PCDHB12: variants seen among roughly 807,000 people sequenced by gnomAD.
PCDHB12 encodes protocadherin beta-12.
For missense variants in PCDHB12, 1,192 were observed against 998.2 expected (o/e 1.19, Z -2.62); for synonymous variants, 560 against 445.2 (o/e 1.26, Z -3.24).
rs191786005 is a variant in PCDHB12 at position 141,211,825 on chromosome 5, T to C, written c.*530T>C. The C allele has an allele frequency of 1.1e-5, 2 of 175,652 alleles. No individual in the cohort carries two copies. Among genetic ancestry groups the C allele is most frequent in the Admixed American group, 1.2e-4 (2 of 16,368 alleles). 10.9% of individuals were successfully genotyped at this position (175,652 alleles called of 1,614,324 possible). A position where few individuals can be genotyped will look rare whatever the true frequency, so the allele number is the denominator to read the frequency against. ...AGTAAGTTCACTAAGGTCCACTAAC[T>C]AATAAGTGACAAAACTGAGCATCCA... On this transcript the variant is annotated 3_prime_UTR_variant, in exon 1 of 1. Transcript: ENST00000239450.
rs782573902 is a variant in PCDHB12, at chr5:141,211,159, A to G, written c.2252A>G (p.Tyr751Cys). The change falls in exon 1 of 1, where the codon TAT becomes TGT. Residue 751 changes from tyrosine (Y) to cysteine (C), a missense_variant. Transcript: ENST00000239450. ...GGGACCCTGTCCCAGAGCTACCACTATGAGGTGTGTGTGACTGGAGGCTCC... is the reference window on the plus strand; with the variant it reads ...GGGACCCTGTCCCAGAGCTACCACTGTGAGGTGTGTGTGACTGGAGGCTCC... ...GTGTLSQSYH[Y>C]EVCVTGGSRS... 2 of 1,614,134 alleles carry G rather than the reference A, an allele frequency of 1.2e-6. No homozygotes were observed. Among genetic ancestry groups the G allele is most frequent in the Non-Finnish European group, 1.7e-6 (2 of 1,179,998 alleles).
Position 141,210,598 on chromosome 5 carries a change from C to G in PCDHB12, c.1691C>G (p.Pro564Arg), listed in dbSNP as rs782595260. ...GACAACTCGCCCTTCGTGCTGTACC[C>G]GCTGCAGAACGGCTCCGCGCCCTGC... ...ANDNSPFVLY[P>R]LQNGSAPCTE... The change falls in exon 1 of 1, where the codon CCG (proline) becomes CGG (arginine). Residue 564 changes from proline (P) to arginine (R), a missense_variant. Coordinates refer to ENST00000239450, the MANE Select transcript of PCDHB12 (RefSeq NM_018932.4). 1.2e-6 allele frequency: 2 copies of G among 1,611,450 alleles called. No individual in the cohort carries two copies. The highest frequency in any genetic ancestry group is 1.7e-5 in the Admixed American group (1 of 60,000).
In PCDHB12 at chr5:141,210,497, C is replaced by T. The variant is rs1554286953; in HGVS notation, c.1590C>T (p.Arg530=). ...AGGCCCTGCAGGGGTTCCAGTTCCGCGTGGGCGCCACAGACCACGGCTCCC... is the reference window on the plus strand; with the variant it reads ...AGGCCCTGCAGGGGTTCCAGTTCCGTGTGGGCGCCACAGACCACGGCTCCC... The part of the protein sequence containing the change: ...DYEALQGFQF[R]VGATDHGSPA... Residue 530 remains arginine, a synonymous_variant, in exon 1 of 1, where the codon CGC becomes CGT. Coordinates refer to ENST00000239450, the MANE Select transcript of PCDHB12 (RefSeq NM_018932.4). The T allele has an allele frequency of 6.2e-7, 1 of 1,612,522 alleles. No individual in the cohort carries two copies. Among genetic ancestry groups the T allele is most frequent in the South Asian group, 1.1e-5 (1 of 91,012 alleles).
At position 141,210,321 on chromosome 5, in the gene PCDHB12, A is replaced by C; in HGVS notation, c.1414A>C (p.Ser472Arg). 1 of 1,613,328 alleles carries C rather than the reference A, an allele frequency of 6.2e-7. No individual in the cohort carries two copies. The highest frequency in any genetic ancestry group is 8.5e-7 in the Non-Finnish European group (1 of 1,180,038). The stretch of plus-strand genomic sequence containing the variant: ...CAACAGCCCCGCCCTGCACATCGGC[A>C]GCATCAGCGCCACAGACAGAGACTC... ...ENNSPALHIGSISATDRDSGT... is the reference protein window; with the variant it reads ...ENNSPALHIGRISATDRDSGT... The change falls in exon 1 of 1, where the codon AGC (serine) becomes CGC (arginine). Residue 472 changes from serine (S) to arginine (R), a missense_variant. Physicochemically the swap from Ser to Arg is moderately radical, Grantham distance 110 (BLOSUM62 -1). Coordinates refer to ENST00000239450, the MANE Select transcript of PCDHB12 (RefSeq NM_018932.4).
Position 141,208,743 on chromosome 5 carries a change from CAGAA to C in PCDHB12, c.-160_-157del, listed in dbSNP as rs1489722068. ...CAGTACACGCGGAGAACTGGGAAGA[CAGAA>C]AGAACAATCCTTTAAGGGAGAACCT... On this transcript the variant is annotated 5_prime_UTR_variant, in exon 1 of 1. Transcript: ENST00000239450. 1.5e-5 allele frequency: 8 copies of C among 523,488 alleles called. No individual in the cohort carries two copies. The African/African-American group carries it at 1.6e-4, about 10-fold the overall frequency. The allele number at this position is 523,488 out of a possible 1,614,324, so 32.4% of individuals were successfully genotyped here. A position where few individuals can be genotyped will look rare whatever the true frequency, so the allele number is the denominator to read the frequency against.
rs782234973 is a variant in PCDHB12 at position 141,209,780 on chromosome 5, A to G, written c.873A>G (p.Thr291=). The G allele has an allele frequency of 1.9e-6, 3 of 1,614,250 alleles. No homozygotes were observed. Among genetic ancestry groups the G allele is most frequent in the South Asian group, 1.1e-5 (1 of 91,086 alleles). ...FSHASEDIRK[T]FEINQKSGDI... The stretch of plus-strand genomic sequence containing the variant: ...ATGCCTCAGAAGATATTCGCAAGAC[A>G]TTTGAAATTAATCAAAAGTCTGGTG... The change falls in exon 1 of 1, where the codon ACA becomes ACG. Residue 291 remains threonine, a synonymous_variant. Transcript: ENST00000239450.
In PCDHB12 at chr5:141,210,471, G is replaced by C; in HGVS notation, c.1564G>C (p.Glu522Gln). The C allele has an allele frequency of 6.2e-7, 1 of 1,612,820 alleles. No individual in the cohort carries two copies. Among genetic ancestry groups the C allele is most frequent in the Non-Finnish European group, 8.5e-7 (1 of 1,179,888 alleles). Residue 522 changes from glutamate to glutamine, a missense_variant, in exon 1 of 1, where the codon GAG (glutamate) becomes CAG (glutamine). Glu to Gln is a conservative substitution (Grantham distance 29). Transcript: ENST00000239450. ...GTTTGCCCTCAGGTCGCTGGACTAC[G>C]AGGCCCTGCAGGGGTTCCAGTTCCG... The part of the protein sequence containing the change: ...HLFALRSLDY[E>Q]ALQGFQFRVG...
Position 141,210,200 on chromosome 5 carries a change from A to T in PCDHB12, c.1293A>T (p.Leu431=), listed in dbSNP as rs782366791. Residue 431 remains leucine, a synonymous_variant, in exon 1 of 1, where the codon CTA becomes CTT. Transcript: ENST00000239450. ...TCACCGACTTGGGGACCCCCAGGCT[A>T]AAAACCGAGCACAACATAACCGTGC... The part of the protein sequence containing the change: ...ITVTDLGTPR[L]KTEHNITVLV... 6.2e-7 allele frequency: 1 copy of T among 1,614,134 alleles called. No homozygotes were observed. Among genetic ancestry groups the T allele is most frequent in the South Asian group, 1.1e-5 (1 of 91,082 alleles).
At position 141,209,461 on chromosome 5, in the gene PCDHB12, A is replaced by C. The variant is rs782519313; in HGVS notation, c.554A>C (p.Asn185Thr). ...NSHFHVKIRV[N>T]PDNRKYPELV... ...CATTTCCACGTTAAAATAAGAGTCAATCCAGACAATAGGAAATACCCTGAG... is the reference window on the plus strand; with the variant it reads ...CATTTCCACGTTAAAATAAGAGTCACTCCAGACAATAGGAAATACCCTGAG... The change falls in exon 1 of 1, where the codon AAT becomes ACT. Residue 185 changes from asparagine to threonine, a missense_variant. Coordinates refer to ENST00000239450, the MANE Select transcript of PCDHB12 (RefSeq NM_018932.4). The C allele has an allele frequency of 6.2e-7, 1 of 1,614,222 alleles. No individual in the cohort carries two copies. The highest frequency in any genetic ancestry group is 8.5e-7 in the Non-Finnish European group (1 of 1,180,042).
Position 141,210,262 on chromosome 5 carries a change from C to A in PCDHB12, c.1355C>A (p.Thr452Asn). The change falls in exon 1 of 1, where the codon ACC (threonine) becomes AAC (asparagine). Residue 452 changes from threonine to asparagine, a missense_variant. Thr to Asn is a moderately conservative substitution (Grantham distance 65). Coordinates refer to ENST00000239450, the MANE Select transcript of PCDHB12 (RefSeq NM_018932.4). Reference protein sequence around the residue: ...SDVNDNAPAFTQTSYALFVRE... With the variant: ...SDVNDNAPAFNQTSYALFVRE... ...GTCAATGACAACGCCCCCGCCTTCA[C>A]CCAAACTTCCTACGCCCTGTTCGTC... 2 of 1,614,130 alleles carry A rather than the reference C, an allele frequency of 1.2e-6. No homozygotes were observed. Among genetic ancestry groups the A allele is most frequent in the Non-Finnish European group, 1.7e-6 (2 of 1,180,044 alleles).
chr5:141,211,383 C>G lies in PCDHB12; in HGVS notation c.*88C>G, dbSNP rs1754459122. On this transcript the variant is annotated 3_prime_UTR_variant, in exon 1 of 1. Coordinates refer to ENST00000239450, the MANE Select transcript of PCDHB12 (RefSeq NM_018932.4). ...GTGCCTGTAAAGTAGTATTTTTGATCACTTCAAATACATACTCTTCAAGTC... is the reference window on the plus strand; with the variant it reads ...GTGCCTGTAAAGTAGTATTTTTGATGACTTCAAATACATACTCTTCAAGTC... The G allele has an allele frequency of 1.6e-6, 2 of 1,235,046 alleles. No individual in the cohort carries two copies. The highest frequency in any genetic ancestry group is 4.6e-5 in the Admixed American group (2 of 43,612). The allele number at this position is 1,235,046 out of a possible 1,614,324, so 76.5% of individuals were successfully genotyped here.
Position 141,209,248 on chromosome 5 carries a change from C to G in PCDHB12, c.341C>G (p.Thr114Arg). ...TTCCAAGTGTTAATGAAAAACCCCA[C>G]GCAGTTTTTACAAATTGAGCTCCAG... ...LYFQVLMKNP[T>R]QFLQIELQVR... Residue 114 changes from threonine (T) to arginine (R), a missense_variant, in exon 1 of 1, where the codon ACG (threonine) becomes AGG (arginine). Transcript: ENST00000239450. The G allele has an allele frequency of 1.2e-6, 2 of 1,614,148 alleles. No homozygotes were observed. The highest frequency in any genetic ancestry group is 1.7e-6 in the Non-Finnish European group (2 of 1,180,044).
chr5:141,210,230 C>G lies in PCDHB12; in HGVS notation c.1323C>G (p.Val441=), dbSNP rs376598517. The G allele has an allele frequency of 1.7e-4, 274 of 1,614,098 alleles. No homozygotes were observed. Among genetic ancestry groups the G allele is most frequent in the Admixed American group, 2.0e-4 (12 of 60,012 alleles). The stretch of plus-strand genomic sequence containing the variant: ...CCGAGCACAACATAACCGTGCTGGT[C>G]TCCGACGTCAATGACAACGCCCCCG... The part of the protein sequence containing the change: ...LKTEHNITVL[V]SDVNDNAPAF... Residue 441 remains valine, a synonymous_variant, in exon 1 of 1, where the codon GTC becomes GTG. Transcript: ENST00000239450.
chr5:141,208,733 AC>A lies in PCDHB12; in HGVS notation c.-174del, dbSNP rs782073939. 1.9e-4 allele frequency: 96 copies of A among 500,976 alleles called. No homozygotes were observed. The highest frequency in any genetic ancestry group is 3.0e-4 in the Non-Finnish European group (90 of 295,384). 31.0% of individuals were successfully genotyped at this position (500,976 alleles called of 1,614,324 possible). On this transcript the variant is annotated 5_prime_UTR_variant, in exon 1 of 1. It adds an upstream start codon to the 5' untranslated region. Transcript: ENST00000239450. ...CCCTGTTATCCAGTACACGCGGAGA[AC>A]TGGGAAGACAGAAAGAACAATCCTT...
chr5:141,209,084 G>C lies in PCDHB12; in HGVS notation c.177G>C (p.Leu59=). 10 of 1,613,440 alleles carry C rather than the reference G, an allele frequency of 6.2e-6. No homozygotes were observed. Among genetic ancestry groups the C allele is most frequent in the Non-Finnish European group, 7.6e-6 (9 of 1,179,440 alleles). The part of the protein sequence containing the change: ...AKTLGLEVSE[L]SSRGARVVSN... ...CCCTGGGACTCGAGGTGAGTGAGCT[G>C]TCTTCGCGGGGGGCTCGGGTGGTTT... is the stretch of plus-strand genomic sequence containing the variant. Residue 59 remains leucine (L), a synonymous_variant, in exon 1 of 1, where the codon CTG becomes CTC. Transcript: ENST00000239450.
Position 141,208,771 on chromosome 5 carries a change from C to T in PCDHB12, c.-137C>T. On this transcript the variant is annotated 5_prime_UTR_variant, in exon 1 of 1. Coordinates refer to ENST00000239450, the MANE Select transcript of PCDHB12 (RefSeq NM_018932.4). Reference sequence around the variant, plus strand: ...AAAGAACAATCCTTTAAGGGAGAACCTAGAAGCCATTCAACAAGGTTAAAA... The same window carrying T: ...AAAGAACAATCCTTTAAGGGAGAACTTAGAAGCCATTCAACAAGGTTAAAA... 1 of 695,128 alleles carries T rather than the reference C, an allele frequency of 1.4e-6. No homozygotes were observed. Among genetic ancestry groups the T allele is most frequent in the African/African-American group, 1.8e-5 (1 of 55,720 alleles). 43.1% of individuals were successfully genotyped at this position (695,128 alleles called of 1,614,324 possible).
Position 141,210,549 on chromosome 5 carries a change from C to A in PCDHB12, c.1642C>A (p.Arg548Ser). Residue 548 changes from arginine (R) to serine (S), a missense_variant, in exon 1 of 1, where the codon CGC becomes AGC. Transcript: ENST00000239450. ...GGCTTTGAGCAGCGAGGCGCTGGTG[C>A]GCGTGCTGGTGCTGGACGCCAACGA... is the stretch of plus-strand genomic sequence containing the variant. ...SPALSSEALV[R>S]VLVLDANDNS... 3.1e-6 allele frequency: 5 copies of A among 1,611,704 alleles called. No homozygotes were observed. The highest frequency in any genetic ancestry group is 4.2e-6 in the Non-Finnish European group (5 of 1,179,714).
chr5:141,210,936 G>A lies in PCDHB12; in HGVS notation c.2029G>A (p.Ala677Thr), dbSNP rs1292111933. The change falls in exon 1 of 1, where the codon GCC (alanine) becomes ACC (threonine). Residue 677 changes from alanine (A) to threonine (T), a missense_variant. By Grantham distance (58) the Ala-to-Thr change is moderately conservative. Transcript: ENST00000239450. ...SQPYLPLPEA[A>T]PAQAQADSLT... ...GCCCTACCTGCCTCTCCCGGAGGCGGCCCCGGCCCAGGCCCAGGCCGACTC... is the reference window on the plus strand; with the variant it reads ...GCCCTACCTGCCTCTCCCGGAGGCGACCCCGGCCCAGGCCCAGGCCGACTC... 6.2e-7 allele frequency: 1 copy of A among 1,611,270 alleles called. No homozygotes were observed. The highest frequency in any genetic ancestry group is 8.5e-7 in the Non-Finnish European group (1 of 1,179,740).
At position 141,209,376 on chromosome 5, in the gene PCDHB12, GCAAA is replaced by G; in HGVS notation, c.470_473del (p.Ala157GlyfsTer3). 2.5e-6 allele frequency: 4 copies of G among 1,614,198 alleles called. No homozygotes were observed. Among genetic ancestry groups the G allele is most frequent in the Non-Finnish European group, 3.4e-6 (4 of 1,180,028 alleles). On this transcript the variant is annotated frameshift_variant, in exon 1 of 1. Coordinates refer to ENST00000239450, the MANE Select transcript of PCDHB12 (RefSeq NM_018932.4). LOFTEE classifies it low-confidence loss of function (END_TRUNC). ...TGGTGCTGTGTTCTTGCTTGAAAGT[GCAAA>G]GGATTTAGATGTAGGAATCAATGCT...
Sources: allele counts gnomAD v4.1 joint callset, GRCh38; gene constraint gnomAD v4.1.1; transcripts MANE v1.5; gene names NCBI Gene and HGNC (gene_info 2026-07-23, HGNC 2026-07-21).